LONRF1: variants seen among roughly 807,000 people sequenced by gnomAD.
LONRF1 encodes the protein LON peptidase N-terminal domain and RING finger protein 1.
A neutral mutation model predicts 85.8 loss-of-function variants in LONRF1; 37 were observed. The ratio of observed to expected loss-of-function variants is 0.43; its 90% CI spans 0.33 to 0.57. The LOEUF is 0.57. Among genes scored for constraint, LONRF1 ranks in the 20% least tolerant of loss-of-function variants. The pLI, the probability that LONRF1 is intolerant of heterozygous loss-of-function variation, is 0.04. For synonymous variants in LONRF1, 517 were observed against 390.1 expected (o/e 1.33, Z -3.83); for missense variants, 1,036 against 978.0 (o/e 1.06, Z -0.79).
At position 12,754,864 on chromosome 8, in the gene LONRF1, A is replaced by G. The variant is rs1286158318; in HGVS notation, c.557T>C (p.Ile186Thr). ...APRPPPLAAA[I>T]AASDFRTSVV... ...GCTGGTTCTGAAGTCTGAAGCGGCG[A>G]TGGCGGCGGCCAGAGGCGGCGGCCG... is the stretch of plus-strand genomic sequence containing the variant. The change falls in exon 1 of 12, where the codon ATC (isoleucine) becomes ACC (threonine). Residue 186 changes from isoleucine to threonine, a missense_variant. Ile to Thr is a moderately conservative substitution (Grantham distance 89, BLOSUM62 -1). Coordinates refer to ENST00000398246, the MANE Select transcript of LONRF1 (RefSeq NM_152271.5). The G allele has an allele frequency of 2.1e-5, 31 of 1,489,470 alleles. No homozygotes were observed. The highest frequency in any genetic ancestry group is 2.8e-5 in the Non-Finnish European group (31 of 1,123,768). 92.3% of individuals were successfully genotyped at this position (1,489,470 alleles called of 1,614,324 possible). A position where few individuals can be genotyped will look rare whatever the true frequency, so the allele number is the denominator to read the frequency against.
chr8:12,748,947 A>T (rs1370640923), intron 1 of LONRF1, among the ~76,000 whole-genome samples: 1 of 152,162 alleles, frequency 6.6e-6, no homozygotes, highest in Non-Finnish European at 1.5e-5. Context: ...GGATAGTAAG[A>T]TCATTAACAC....
chr8:12,747,796 T>C (rs1014751966), intron 1 of LONRF1, among the ~76,000 whole-genome samples: 16 of 152,030 alleles, frequency 1.1e-4, no homozygotes, highest in African/African-American at 3.6e-4. Context: ...TCATTTCAGT[T>C]CAAATTCAAA....
At position 12,729,154 on chromosome 8, in the gene LONRF1, T is replaced by G. The variant is rs753962492; in HGVS notation, c.1847+20A>C. On this transcript the variant is annotated intron_variant, in intron 9 of 11. Transcript: ENST00000398246. ...GAGGTCTAACATAAATACAAATATTTAGGTTCACAAAAAGCATACCTATTT... is the reference window on the plus strand; with the variant it reads ...GAGGTCTAACATAAATACAAATATTGAGGTTCACAAAAAGCATACCTATTT... 1 of 1,613,536 alleles carries G rather than the reference T, an allele frequency of 6.2e-7. No individual in the cohort carries two copies. Among genetic ancestry groups the G allele is most frequent in the East Asian group, 2.2e-5 (1 of 44,870 alleles).
At chr8:12,737,184 T>TC (rs754483292) in intron 4 of LONRF1, 44 bp from the exon 5 acceptor site, 1 of 1,590,498 alleles carries the variant, frequency 6.3e-7, no homozygotes, top group East Asian at 2.2e-5. Flanking sequence ...TTCTTTACTA[T>TC]CCTTTATTCC....
intron 1 of LONRF1, among the ~76,000 whole-genome samples, chr8:12,750,343 C>T (rs895086096): frequency 5.3e-5 from 8 of 152,152 alleles, no homozygotes; most frequent in East Asian, 1.9e-4. Flanking sequence ...AAGGGGGATA[C>T]GTTCCAAGAC....
chr8:12,738,878 T>C (rs1238274820), intron 3 of LONRF1: 1 of 152,180 alleles, frequency 6.6e-6, no homozygotes, highest in African/African-American at 2.4e-5. Flanking sequence ...GTATAGCACA[T>C]ATTAAAGTCT....
chr8:12,730,475 T>C (rs980483849), intron 8 of LONRF1, among the ~76,000 whole-genome samples: 1 of 152,182 alleles, frequency 6.6e-6, no homozygotes, highest in Non-Finnish European at 1.5e-5. Flanking sequence ...GTTTAAAATA[T>C]GTGTTTTAAG....
intron 8 of LONRF1, among the ~76,000 whole-genome samples, chr8:12,729,736 G>C (rs1266257987): frequency 4.6e-5 from 7 of 152,022 alleles, no homozygotes; most frequent in Non-Finnish European, 1.0e-4. Flanking sequence ...TAGATAACAA[G>C]AAAAAGTGAA....
intron 1 of LONRF1, among the ~76,000 whole-genome samples, chr8:12,751,288 A>ATGTTTTTTT (rs1197911838): frequency 3.7e-5 from 2 of 54,432 alleles, no homozygotes; most frequent in South Asian, 6.6e-4. Context: ...TTATATTTTT[A>ATGTTTTTTT]TTTTTATGTT....
chr8:12,736,894 T>G lies in LONRF1; in HGVS notation c.1354+6A>C. 1 of 1,601,380 alleles carries G rather than the reference T, an allele frequency of 6.2e-7. No individual in the cohort carries two copies. Among genetic ancestry groups the G allele is most frequent in the Non-Finnish European group, 8.5e-7 (1 of 1,174,384 alleles). On this transcript the variant is annotated splice_donor_region_variant and intron_variant, in intron 5 of 11. Transcript: ENST00000398246. ...ATTTTATATAAGTGTAGAGCAAAAT[T>G]TTTACCTCCTTGTTTTTTCAGCTTA... is the stretch of plus-strand genomic sequence containing the variant.
chr8:12,739,689 C>A (rs1798855767), intron 3 of LONRF1, among the ~76,000 whole-genome samples: 1 of 152,138 alleles, frequency 6.6e-6, no homozygotes, highest in South Asian at 2.1e-4. Context: ...ATTTGTTTTG[C>A]ATCTACCTGA....
At chr8:12,731,024 T>G (rs376346297) in intron 8 of LONRF1, among the ~76,000 whole-genome samples, 60 of 152,042 alleles carry the variant, frequency 3.9e-4, no homozygotes, top group African/African-American at 1.4e-3. Context: ...TAATAAAATT[T>G]AAAGAGACCC....
intron 6 of LONRF1, 122 bp from the exon 7 acceptor site, chr8:12,735,522 A>G (rs2117267578): frequency 1.5e-6 from 1 of 656,172 alleles, no homozygotes; most frequent in African/African-American, 1.8e-5. Flanking sequence ...CCCAGCAGGC[A>G]GGAGAGGAGA....
At chr8:12,730,230 G>A (rs926542467) in intron 8 of LONRF1, among the ~76,000 whole-genome samples, 4 of 152,146 alleles carry the variant, frequency 2.6e-5, no homozygotes, top group African/African-American at 9.7e-5. Context: ...TAGAAGAAAT[G>A]CTTATATTAA....
chr8:12,729,402 A>G (rs1798442756), intron 8 of LONRF1, 70 bp from the exon 9 acceptor site: 6 of 1,471,226 alleles, frequency 4.1e-6, no homozygotes, highest in Non-Finnish European at 5.6e-6. Flanking sequence ...ACAAAAAATG[A>G]GTGAGGTTTA....
Position 12,731,747 on chromosome 8 carries a change from A to G in LONRF1, c.1677T>C (p.Ala559=). ...GAGAAGAAACTTACTGTGAGAGTTCAGCAGTTTCTTCATCATATATTTTTT... is the reference window on the plus strand; with the variant it reads ...GAGAAGAAACTTACTGTGAGAGTTCGGCAGTTTCTTCATCATATATTTTTT... ...ERKKIYDEET[A]ELSHLTKNVP... The change falls in exon 8 of 12, where the codon GCT becomes GCC. Residue 559 remains alanine (A), a synonymous_variant. Coordinates refer to ENST00000398246, the MANE Select transcript of LONRF1 (RefSeq NM_152271.5). The G allele has an allele frequency of 1.2e-6, 2 of 1,611,712 alleles. No homozygotes were observed. Among genetic ancestry groups the G allele is most frequent in the Middle Eastern group, 3.3e-4 (2 of 6,038 alleles).
At chr8:12,746,245 TAA>T (rs1355813876) in intron 1 of LONRF1, among the ~76,000 whole-genome samples, 1 of 152,118 alleles carries the variant, frequency 6.6e-6, no homozygotes, top group Non-Finnish European at 1.5e-5. Context: ...ATTCACAAGG[TAA>T]AACAGGTATT....
At position 12,736,904 on chromosome 8, in the gene LONRF1, T is replaced by G. The variant is rs768291170; in HGVS notation, c.1350A>C (p.Gln450His). ...NEDGRNKLKK[Q>H]GETPNEVCMF... is the part of the protein sequence containing the mutation. ...AGTGTAGAGCAAAATTTTTACCTCCTTGTTTTTTCAGCTTATTTCTTCCAT... is the reference window on the plus strand; with the variant it reads ...AGTGTAGAGCAAAATTTTTACCTCCGTGTTTTTTCAGCTTATTTCTTCCAT... Residue 450 changes from glutamine (Q) to histidine (H), a missense_variant, in exon 5 of 12, where the codon CAA (glutamine) becomes CAC (histidine). Gln to His is a conservative substitution (Grantham distance 24). This residue lies in a region of LONRF1 where 742 missense variants were observed against 614.4 expected (regional missense o/e 1.21). Transcript: ENST00000398246. 2 of 1,606,058 alleles carry G rather than the reference T, an allele frequency of 1.2e-6. No individual in the cohort carries two copies. The highest frequency in any genetic ancestry group is 2.2e-5 in the South Asian group (2 of 89,714).
At chr8:12,750,252 C>G (rs985546573) in intron 1 of LONRF1, among the ~76,000 whole-genome samples, 32 of 152,300 alleles carry the variant, frequency 2.1e-4, no homozygotes, top group African/African-American at 7.7e-4. Context: ...AATCACCATA[C>G]AGACATCAGT....
Sources: gnomAD v4.1 joint callset for allele counts (sites outside exome capture counted in the v4.1 genomes callset) on GRCh38, gnomAD v4.1.1 for gene constraint, gnomAD v4.1.1 regional missense constraint, MANE v1.5 for transcripts, NCBI Gene and HGNC (gene_info 2026-07-23, HGNC 2026-07-21) for gene names.